CCDC169: variants seen among roughly 807,000 people sequenced by gnomAD.
CCDC169 encodes coiled-coil domain containing 169.
Under a neutral mutation model 36.0 loss-of-function variants are expected in CCDC169, and 30 were observed. The observed-to-expected ratio is 0.83, with a 90% confidence interval of 0.62 to 1.13. CCDC169 has a LOEUF of 1.13. CCDC169 is among the 50% of genes most tolerant of loss of function. The pLI is 0.00. For missense variants in CCDC169, 245 were observed against 245.9 expected (o/e 1.00, Z 0.03); for synonymous variants, 85 against 81.5 (o/e 1.04, Z -0.23).
chr13:36,292,359 AT>A (rs937335126), intron 2 of CCDC169, among the ~76,000 whole-genome samples: 1 of 152,042 alleles, frequency 6.6e-6, no homozygotes, highest in African/African-American at 2.4e-5. Flanking sequence ...TGAGGTTTCA[AT>A]TTTTTTAAAA....
intron 7 of CCDC169, among the ~76,000 whole-genome samples, chr13:36,246,504 TGA>T (rs1872520121): frequency 6.6e-6 from 1 of 152,148 alleles, no homozygotes. Flanking sequence ...CTATGAAGGC[TGA>T]GAGAAGTGAG....
At chr13:36,282,652 T>G (rs1389532042) in intron 4 of CCDC169, 1 of 473,276 alleles carries the variant, frequency 2.1e-6, no homozygotes, top group Admixed American at 6.4e-5. Flanking sequence ...TGGAGAAATA[T>G]AATTCTCTGT....
chr13:36,253,241 G>A (rs1394307009), intron 6 of CCDC169, among the ~76,000 whole-genome samples: 1 of 152,128 alleles, frequency 6.6e-6, no homozygotes, highest in African/African-American at 2.4e-5. Flanking sequence ...GCAGCTACCT[G>A]TTTGAATTCT....
chr13:36,281,019 C>G, intron 4 of CCDC169: 1 of 270,642 alleles, frequency 3.7e-6, no homozygotes, highest in Non-Finnish European at 7.2e-6. Context: ...GGTGCAGCAT[C>G]TTAGAAAGCT....
At chr13:36,269,470 A>C (rs1157241983) in intron 4 of CCDC169, among the ~76,000 whole-genome samples, 3 of 152,204 alleles carry the variant, frequency 2.0e-5, no homozygotes, top group Non-Finnish European at 4.4e-5. Context: ...GATACAACAA[A>C]AAAAGAAAAC....
chr13:36,227,970 GT>G (rs1313576244), downstream of CCDC169, among the ~76,000 whole-genome samples: 13 of 152,138 alleles, frequency 8.5e-5, no homozygotes, highest in Admixed American at 8.5e-4. Context: ...TGTTTCCAAG[GT>G]TTACCCATGT....
intron 4 of CCDC169, chr13:36,281,322 C>G (rs1877512213): frequency 2.3e-6 from 1 of 435,058 alleles, no homozygotes; most frequent in South Asian, 1.7e-5. Context: ...AAACCTTTCT[C>G]TTACATTCTG....
intron 1 of CCDC169, among the ~76,000 whole-genome samples, chr13:36,297,178 G>A (rs1229247854): frequency 6.6e-6 from 1 of 151,872 alleles, no homozygotes; most frequent in Non-Finnish European, 1.5e-5. Flanking sequence ...TTAACACGAA[G>A]TACGAATACT....
intron 7 of CCDC169, among the ~76,000 whole-genome samples, chr13:36,245,090 A>C (rs1204783395): frequency 6.6e-6 from 1 of 152,128 alleles, no homozygotes; most frequent in Non-Finnish European, 1.5e-5. Flanking sequence ...TCTTACCTTG[A>C]CCTATATATA....
intron 2 of CCDC169, among the ~76,000 whole-genome samples, chr13:36,293,583 T>A (rs1021317481): frequency 6.6e-6 from 1 of 152,156 alleles, no homozygotes; most frequent in Non-Finnish European, 1.5e-5. Flanking sequence ...TCTACTTATG[T>A]CTTTTGGAAT....
At position 36,253,804 on chromosome 13, in the gene CCDC169, T is replaced by C. The variant is rs749890264; in HGVS notation, c.467A>G (p.Gln156Arg). Residue 156 changes from glutamine (Q) to arginine (R), a missense_variant and splice_region_variant, in exon 6 of 8, where the codon CAG (glutamine) becomes CGG (arginine). By Grantham distance (43) the Gln-to-Arg change is conservative. Coordinates refer to ENST00000239859, the MANE Select transcript of CCDC169 (RefSeq NM_001144981.3). ...ERRTYLAEMS[Q>R]GSGLHQVSKR... ...AATTTGGAAATAAAAAAGAGTTACC[T>C]GAGACATTTCAGCTAGGTATGTACG... is the stretch of plus-strand genomic sequence containing the variant. The C allele has an allele frequency of 2.6e-6, 4 of 1,548,592 alleles. No individual in the cohort carries two copies. The South Asian group carries it at 3.6e-5, about 14-fold the overall frequency.
At chr13:36,257,407 C>T (rs1165303631) in intron 4 of CCDC169, among the ~76,000 whole-genome samples, 2 of 152,162 alleles carry the variant, frequency 1.3e-5, no homozygotes, top group African/African-American at 4.8e-5. Flanking sequence ...GTCCTGCCTA[C>T]AAAGAGTCTG....
At chr13:36,229,450 AAATGTTCCTC>A (rs1449472597), downstream of CCDC169, among the ~76,000 whole-genome samples, 1 of 152,126 alleles carries the variant, frequency 6.6e-6, no homozygotes, top group Non-Finnish European at 1.5e-5. Flanking sequence ...AGATAACTTT[AAATGTTCCTC>A]AATAGTCCCC....
At chr13:36,253,367 CTTGCTCTATCAGCCAGGCT>C (rs1873413558) in intron 6 of CCDC169, among the ~76,000 whole-genome samples, 1 of 26,858 alleles carries the variant, frequency 3.7e-5, no homozygotes, top group African/African-American at 3.2e-4. Flanking sequence ...GAGATGGAGT[CTTGCTCTATCAGCCAGGCT>C]GGAGTGCAGT....
intron 1 of CCDC169, among the ~76,000 whole-genome samples, chr13:36,297,280 G>A (rs571955077): frequency 1.3e-5 from 2 of 152,030 alleles, no homozygotes; most frequent in Non-Finnish European, 2.9e-5. Flanking sequence ...AAAAAACCCC[G>A]TATAACTAAA....
Position 36,281,303 on chromosome 13 carries a change from T to C in CCDC169, c.315+2166A>G, listed in dbSNP as rs1413761817. 9.0e-6 allele frequency: 4 copies of C among 443,836 alleles called. No homozygotes were observed. In the Admixed American group the frequency reaches 1.0e-4, roughly 11 times the overall value. 27.5% of individuals were successfully genotyped at this position (443,836 alleles called of 1,614,324 possible). ...AAAAGAAAAGAGAAAAAAAAAACTT[T>C]ACTTGTTTAAACCTTTCTCTTACAT... is the stretch of plus-strand genomic sequence containing the variant. On this transcript the variant is annotated intron_variant, in intron 4 of 7. Transcript: ENST00000239859.
chr13:36,295,475 T>C (rs1222947010), intron 2 of CCDC169, among the ~76,000 whole-genome samples: 1 of 152,166 alleles, frequency 6.6e-6, no homozygotes, highest in African/African-American at 2.4e-5. Flanking sequence ...TTGAGGTGAA[T>C]AGAAAACTGG....
At chr13:36,285,323 T>C (rs1980807) in intron 2 of CCDC169, among the ~76,000 whole-genome samples, 150,091 of 152,172 alleles carry the variant, frequency 0.99, 74,038 homozygotes, top group East Asian at 1. Context: ...CTGAGGCTGG[T>C]GGATCACTTG....
chr13:36,261,237 C>A (rs116261781), intron 4 of CCDC169, among the ~76,000 whole-genome samples: 7 of 152,202 alleles, frequency 4.6e-5, no homozygotes, highest in African/African-American at 1.4e-4. Context: ...GCTGAGATGG[C>A]GACTTTGCAT....
Sources: gnomAD v4.1 joint callset for allele counts (sites outside exome capture counted in the v4.1 genomes callset) on GRCh38, gnomAD v4.1.1 for gene constraint, MANE v1.5 for transcripts, NCBI Gene and HGNC (gene_info 2026-07-23, HGNC 2026-07-21) for gene names.